KIAA1328: variants seen among roughly 807,000 people sequenced by gnomAD.
The protein encoded by KIAA1328 is KIAA1328, also known as protein hinderin.
A neutral mutation model predicts 68.1 loss-of-function variants in KIAA1328; 52 were observed. That is an observed-to-expected ratio of 0.76 (90% CI 0.61 to 0.96). KIAA1328 has a LOEUF of 0.96. Ranked by LOEUF, KIAA1328 falls within the 40% of genes least tolerant of loss-of-function variation. The pLI is 0.00. For synonymous variants in KIAA1328, 232 were observed against 239.4 expected, an observed-to-expected ratio of 0.97 and a Z score of 0.28; for missense variants, 641 against 677.6, an observed-to-expected ratio of 0.95 and a Z score of 0.60.
intron 7 of KIAA1328, among the ~76,000 whole-genome samples, chr18:37,084,628 A>T (rs2057049382): frequency 6.6e-6 from 1 of 152,058 alleles, no homozygotes; most frequent in Admixed American, 6.6e-5. Context: ...ACAAATACGT[A>T]TTGCTTGGCA....
intron 4 of KIAA1328, among the ~76,000 whole-genome samples, chr18:36,876,008 GA>G (rs2048111292): frequency 6.6e-6 from 1 of 152,098 alleles, no homozygotes. Context: ...GCATCCCAGG[GA>G]TGAAGCTGAC....
At chr18:36,993,259 C>G (rs1366734297) in intron 6 of KIAA1328, among the ~76,000 whole-genome samples, 1 of 152,204 alleles carries the variant, frequency 6.6e-6, no homozygotes, top group African/African-American at 2.4e-5. Flanking sequence ...TTAGAACATT[C>G]TTTCAAGTAT....
At chr18:37,033,827 T>G (rs2054925622) in intron 6 of KIAA1328, among the ~76,000 whole-genome samples, 1 of 152,262 alleles carries the variant, frequency 6.6e-6, no homozygotes, top group Admixed American at 6.5e-5. Flanking sequence ...AACGATAGTC[T>G]GGACTGTTTA....
downstream of KIAA1328, chr18:37,225,338 G>A (rs959081380): frequency 1.0e-6 from 1 of 984,184 alleles, no homozygotes; most frequent in African/African-American, 1.7e-5. Flanking sequence ...TTCCCCATGT[G>A]GGTTTGATAT....
chr18:37,023,231 T>C lies in KIAA1328; in HGVS notation c.577-43659T>C, dbSNP rs1380552910. 9.9e-5 allele frequency among the ~76,000 whole-genome samples: 15 copies of C among 152,234 alleles called. No homozygotes were observed. In the East Asian group the frequency reaches 2.3e-3, roughly 24 times the overall value. Reference sequence around the variant, plus strand: ...TTTTATTTTATTTTTATTTATTTATTTGGGACAGGGTCTTGCTCTGTTGCC... The same window carrying C: ...TTTTATTTTATTTTTATTTATTTATCTGGGACAGGGTCTTGCTCTGTTGCC... On this transcript the variant is annotated intron_variant, in intron 6 of 9. Coordinates refer to ENST00000280020, the MANE Select transcript of KIAA1328 (RefSeq NM_020776.3).
At chr18:37,102,563 A>G (rs936520164) in intron 7 of KIAA1328, among the ~76,000 whole-genome samples, 1 of 152,226 alleles carries the variant, frequency 6.6e-6, no homozygotes, top group Non-Finnish European at 1.5e-5. Flanking sequence ...CAAATTAAGC[A>G]TAGAAGAAAC....
Position 36,829,160 on chromosome 18 carries a change from T to A in KIAA1328, c.22T>A (p.Ser8Thr). 2 of 1,528,168 alleles carry A rather than the reference T, an allele frequency of 1.3e-6. No homozygotes were observed. The highest frequency in any genetic ancestry group is 1.8e-6 in the Non-Finnish European group (2 of 1,140,232). 94.7% of individuals were successfully genotyped at this position (1,528,168 alleles called of 1,614,324 possible). MADVAGP[S>T]RPSAAAFWSR... ...CAAGATGGCGGACGTGGCGGGCCCC[T>A]CCCGCCCCAGTGCCGCGGCGTTCTG... Residue 8 changes from serine to threonine, a missense_variant, in exon 1 of 10, where the codon TCC becomes ACC. Transcript: ENST00000280020.
At chr18:37,016,283 T>C (rs1286645013) in intron 6 of KIAA1328, among the ~76,000 whole-genome samples, 58 of 152,360 alleles carry the variant, frequency 3.8e-4, no homozygotes, top group Non-Finnish European at 4.4e-5. Flanking sequence ...ATTCTGTTTA[T>C]GTGGTAAATC....
At chr18:37,014,983 A>G (rs1016581181) in intron 6 of KIAA1328, among the ~76,000 whole-genome samples, 1 of 152,140 alleles carries the variant, frequency 6.6e-6, no homozygotes, top group African/African-American at 2.4e-5. Flanking sequence ...GCTCACTGCA[A>G]CTTCTGCCTC....
intron 5 of KIAA1328, among the ~76,000 whole-genome samples, chr18:36,910,483 T>G (rs978123519): frequency 3.3e-5 from 5 of 151,990 alleles, no homozygotes; most frequent in Non-Finnish European, 5.9e-5. Flanking sequence ...TGGTCTATAT[T>G]TCTGTTTTGG....
chr18:36,842,556 C>T (rs2046892681), intron 3 of KIAA1328, among the ~76,000 whole-genome samples: 2 of 152,112 alleles, frequency 1.3e-5, no homozygotes, highest in African/African-American at 4.8e-5. Context: ...TCATAGCTAC[C>T]AGTACCTCTA....
At chr18:37,041,518 T>C (rs1211133024) in intron 6 of KIAA1328, among the ~76,000 whole-genome samples, 3 of 152,110 alleles carry the variant, frequency 2.0e-5, no homozygotes, top group Non-Finnish European at 4.4e-5. Context: ...AATGACTTAA[T>C]TTATTTGCAT....
chr18:36,890,562 T>C (rs2048651895), intron 5 of KIAA1328, among the ~76,000 whole-genome samples: 1 of 151,998 alleles, frequency 6.6e-6, no homozygotes, highest in Non-Finnish European at 1.5e-5. Flanking sequence ...TCCCAACTAC[T>C]CGGGAGGCTG....
chr18:37,032,246 A>C (rs958244111), intron 6 of KIAA1328, among the ~76,000 whole-genome samples: 2 of 152,232 alleles, frequency 1.3e-5, no homozygotes, highest in Non-Finnish European at 2.9e-5. Context: ...GTATAACTGC[A>C]TAAAAGAATG....
chr18:36,935,687 G>A (rs780013704), intron 5 of KIAA1328, among the ~76,000 whole-genome samples: 10 of 152,126 alleles, frequency 6.6e-5, no homozygotes, highest in Non-Finnish European at 7.3e-5. Context: ...GGAAAAGGAT[G>A]TATCCCTCAG....
At chr18:36,971,731 A>T (rs1399264432) in intron 6 of KIAA1328, among the ~76,000 whole-genome samples, 2 of 152,212 alleles carry the variant, frequency 1.3e-5, no homozygotes, top group Non-Finnish European at 2.9e-5. Flanking sequence ...CATGGATTGA[A>T]CAAGAGGCCA....
chr18:37,186,732 G>T (rs2059809991), intron 9 of KIAA1328, among the ~76,000 whole-genome samples: 1 of 152,074 alleles, frequency 6.6e-6, no homozygotes, highest in South Asian at 2.1e-4. Context: ...AAGAAAGAAT[G>T]ACTTACCATG....
At chr18:36,872,771 T>G (rs1204164234) in intron 4 of KIAA1328, among the ~76,000 whole-genome samples, 1 of 152,194 alleles carries the variant, frequency 6.6e-6, no homozygotes, top group Non-Finnish European at 1.5e-5. Flanking sequence ...ATGGCATAGA[T>G]GTTGAAACAA....
chr18:37,097,451 G>A (rs1008898419), intron 7 of KIAA1328, among the ~76,000 whole-genome samples: 5 of 152,202 alleles, frequency 3.3e-5, no homozygotes, highest in African/African-American at 1.2e-4. Flanking sequence ...TTTGGTACCA[G>A]TACCATGCTA....
Sources: gnomAD v4.1 joint callset for allele counts (sites outside exome capture counted in the v4.1 genomes callset) on GRCh38, gnomAD v4.1.1 for gene constraint, MANE v1.5 for transcripts, NCBI Gene and HGNC (gene_info 2026-07-23, HGNC 2026-07-21) for gene names.